KCNN2: variants seen among roughly 807,000 people sequenced by gnomAD.
KCNN2 encodes the protein small conductance calcium-activated potassium channel protein 2.
KCNN2 carries 24 observed loss-of-function variants against 55.5 expected under a neutral mutation model. The observed-to-expected ratio is 0.43, with a 90% CI of 0.31 to 0.61. The LOEUF is 0.61. KCNN2 is among the 20% of genes least tolerant of loss of function. The probability of loss-of-function intolerance (pLI) is 0.08; values close to 1 mark genes in which losing one functional copy is unlikely to be tolerated. For missense variants in KCNN2, 754 were observed against 853.6 expected, an observed-to-expected ratio of 0.88 and a Z score of 1.45; for synonymous variants, 431 against 336.1, an observed-to-expected ratio of 1.28 and a Z score of -3.09.
intron 2 of KCNN2, among the ~76,000 whole-genome samples, chr5:114,372,953 A>G (rs776692110): frequency 2.0e-4 from 30 of 152,176 alleles, no homozygotes; most frequent in South Asian, 4.1e-4. Context: ...ACCCTTGCAC[A>G]TTAACTTTTG....
intron 1 of KCNN2, among the ~76,000 whole-genome samples, chr5:114,192,177 A>G (rs533593137): frequency 1.3e-5 from 2 of 152,230 alleles, no homozygotes; most frequent in Admixed American, 6.5e-5. Context: ...GACAAATTCT[A>G]TTATATTGAC....
intron 5 of KCNN2, among the ~76,000 whole-genome samples, chr5:114,485,422 T>TAAAAGC (rs1762400562): frequency 6.6e-6 from 1 of 152,106 alleles, no homozygotes; most frequent in Non-Finnish European, 1.5e-5. Flanking sequence ...CCTCTCTCCT[T>TAAAAGC]AAAAGCAAGG....
intron 2 of KCNN2, among the ~76,000 whole-genome samples, chr5:114,278,780 T>C (rs1223904131): frequency 1.3e-5 from 2 of 152,202 alleles, no homozygotes; most frequent in Admixed American, 6.5e-5. Context: ...CACTCACAGC[T>C]TCCTTTGACT....
At chr5:114,434,519 C>G (rs373123989) in intron 3 of KCNN2, among the ~76,000 whole-genome samples, 57 of 152,056 alleles carry the variant, frequency 3.7e-4, no homozygotes, top group African/African-American at 1.2e-3. Context: ...TTTGGAATGC[C>G]TTGTAATTTT....
intron 1 of KCNN2, among the ~76,000 whole-genome samples, chr5:114,200,642 AC>A (rs1753655407): frequency 6.8e-6 from 1 of 146,046 alleles, no homozygotes; most frequent in Non-Finnish European, 1.5e-5. Context: ...TATAGCTGTC[AC>A]TCGTTCCATT....
chr5:114,378,420 A>G (rs1463367776), intron 2 of KCNN2, among the ~76,000 whole-genome samples: 2 of 152,306 alleles, frequency 1.3e-5, no homozygotes, highest in East Asian at 3.9e-4. Flanking sequence ...TTGCATCAAA[A>G]GCTGTTTTAT....
chr5:114,213,797 A>C (rs1371146869), intron 1 of KCNN2, among the ~76,000 whole-genome samples: 1 of 152,106 alleles, frequency 6.6e-6, no homozygotes, highest in Non-Finnish European at 1.5e-5. Context: ...GAAGAAAGGA[A>C]AAGTAGAACA....
At chr5:114,441,801 G>A (rs1314977131) in intron 3 of KCNN2, among the ~76,000 whole-genome samples, 3 of 152,080 alleles carry the variant, frequency 2.0e-5, no homozygotes, top group East Asian at 1.9e-4. Context: ...TAAAACAAGA[G>A]CTTAGTAAAC....
chr5:114,079,846 A>T (rs901580), intron 1 of KCNN2, among the ~76,000 whole-genome samples: 75,309 of 119,118 alleles, frequency 0.63, 19,411 homozygotes, highest in East Asian at 0.68. Flanking sequence ...TGTGTGTGTG[A>T]GAGAGAGAGA....
At chr5:114,436,220 G>A (rs1285785035) in intron 3 of KCNN2, among the ~76,000 whole-genome samples, 1 of 152,190 alleles carries the variant, frequency 6.6e-6, no homozygotes, top group Non-Finnish European at 1.5e-5. Flanking sequence ...GGTGTTACAA[G>A]TACCAAAGTG....
At chr5:114,483,472 C>G (rs1293742838) in intron 5 of KCNN2, among the ~76,000 whole-genome samples, 3 of 151,924 alleles carry the variant, frequency 2.0e-5, no homozygotes, top group African/African-American at 7.3e-5. Flanking sequence ...TGGGGTTCCA[C>G]TAGATGTTGG....
At chr5:114,126,519 C>T (rs948110541) in intron 1 of KCNN2, among the ~76,000 whole-genome samples, 11 of 152,058 alleles carry the variant, frequency 7.2e-5, no homozygotes, top group South Asian at 4.1e-4. Flanking sequence ...GGAATCCTCC[C>T]GCATGATTCA....
intron 2 of KCNN2, among the ~76,000 whole-genome samples, chr5:114,240,154 T>C (rs1754588830): frequency 6.6e-6 from 1 of 152,040 alleles, no homozygotes. Context: ...TTTAAAATGA[T>C]AGTAACTTGT....
chr5:114,336,547 C>T (rs1473748760), intron 2 of KCNN2, among the ~76,000 whole-genome samples: 2 of 152,178 alleles, frequency 1.3e-5, no homozygotes, highest in Non-Finnish European at 2.9e-5. Flanking sequence ...TACCAACACT[C>T]ACAAGCCTTG....
At chr5:114,284,523 C>CT (rs1755695703) in intron 2 of KCNN2, among the ~76,000 whole-genome samples, 1 of 151,940 alleles carries the variant, frequency 6.6e-6, no homozygotes, top group African/African-American at 2.4e-5. Context: ...TCCATTTTTT[C>CT]TTTTTTTGTT....
intron 2 of KCNN2, among the ~76,000 whole-genome samples, chr5:114,395,666 T>G (rs981561759): frequency 6.6e-6 from 1 of 152,220 alleles, no homozygotes; most frequent in Non-Finnish European, 1.5e-5. Flanking sequence ...CCTGTGATGT[T>G]GAGAATGTTT....
chr5:114,399,367 T>C lies in KCNN2; in HGVS notation c.1219-5071T>C, dbSNP rs533750148. On this transcript the variant is annotated intron_variant, in intron 2 of 7. Coordinates refer to ENST00000673685, the MANE Select transcript of KCNN2 (RefSeq NM_021614.4). Reference sequence around the variant, plus strand: ...TCTATTGAGATGATCATGTGATTTCTGTTTTTACTTCTGTTTATGTGATGA... The same window carrying C: ...TCTATTGAGATGATCATGTGATTTCCGTTTTTACTTCTGTTTATGTGATGA... Among the ~76,000 whole-genome samples, 191 of 152,316 alleles carry C rather than the reference T, an allele frequency of 1.3e-3. 1 individual carries two copies. The highest frequency in any genetic ancestry group is 3.5e-3 in the African/African-American group (145 of 41,568).
intron 2 of KCNN2, among the ~76,000 whole-genome samples, chr5:114,385,492 G>T (rs906267253): frequency 6.7e-6 from 1 of 148,292 alleles, no homozygotes; most frequent in Non-Finnish European, 1.5e-5. Context: ...CAGCCTCATT[G>T]TTTATTGACA....
intron 1 of KCNN2, among the ~76,000 whole-genome samples, chr5:114,091,710 G>A (rs1319117438): frequency 6.6e-6 from 1 of 152,174 alleles, no homozygotes; most frequent in Non-Finnish European, 1.5e-5. Flanking sequence ...TAAAGGGGAA[G>A]CAAGGCACCT....
Sources: allele counts gnomAD v4.1 joint callset (sites outside exome capture counted in the v4.1 genomes callset), GRCh38; gene constraint gnomAD v4.1.1; transcripts MANE v1.5; gene names NCBI Gene and HGNC (gene_info 2026-07-23, HGNC 2026-07-21).